Variants in TMTC2 observed in about 807,000 individuals in gnomAD.
The protein encoded by TMTC2 is transmembrane O-mannosyltransferase targeting cadherins 2, also known as protein O-mannosyl-transferase TMTC2.
In TMTC2, 43 loss-of-function variants were observed where a neutral mutation model predicts 82.4. That is an observed-to-expected ratio of 0.52 (90% CI 0.41 to 0.67). TMTC2 has a LOEUF of 0.67. Ranked by LOEUF, TMTC2 falls within the 30% of genes least tolerant of loss-of-function variation. The pLI, the probability that TMTC2 is intolerant of heterozygous loss-of-function variation, is 0.00. For missense variants in TMTC2, 919 were observed against 1,012.4 expected, an observed-to-expected ratio of 0.91 and a Z score of 1.25; for synonymous variants, 408 against 381.9, an observed-to-expected ratio of 1.07 and a Z score of -0.80.
At chr12:83,026,181 A>G (rs1881166852) in intron 8 of TMTC2, among the ~76,000 whole-genome samples, 1 of 152,126 alleles carries the variant, frequency 6.6e-6, no homozygotes, top group South Asian at 2.1e-4. Flanking sequence ...GCCTCATAAG[A>G]ACAAAAGACA....
chr12:83,119,904 A>G (rs1420863241), intron 11 of TMTC2, among the ~76,000 whole-genome samples: 4 of 152,038 alleles, frequency 2.6e-5, no homozygotes, highest in Non-Finnish European at 4.4e-5. Context: ...CCCTCTTTGT[A>G]TTATTTAACT....
rs1565821353 is a variant in TMTC2 at position 82,944,323 on chromosome 12, A to G, written c.1598+13778A>G. Among the ~76,000 whole-genome samples the G allele has an allele frequency of 2.0e-5, 3 of 152,222 alleles. No individual in the cohort carries two copies. In the East Asian group the frequency reaches 5.8e-4, roughly 29 times the overall value. ...ACCCTGGCTGGGCATGGTGGCTCAC[A>G]CCTGTAATCCCAGCACTTTGGGAGG... is the stretch of plus-strand genomic sequence containing the variant. On this transcript the variant is annotated intron_variant, in intron 4 of 11. Coordinates refer to ENST00000321196, the MANE Select transcript of TMTC2 (RefSeq NM_152588.3).
At chr12:82,808,597 A>G (rs183951163) in intron 1 of TMTC2, among the ~76,000 whole-genome samples, 1 of 152,086 alleles carries the variant, frequency 6.6e-6, no homozygotes, top group Non-Finnish European at 1.5e-5. Flanking sequence ...TTATTCAGAC[A>G]TATATTGGTC....
intron 1 of TMTC2, among the ~76,000 whole-genome samples, chr12:82,845,106 G>A (rs1019825686): frequency 1.3e-5 from 2 of 149,222 alleles, no homozygotes; most frequent in Admixed American, 6.7e-5. Flanking sequence ...GCGGGCGCCT[G>A]TAATCCTAGC....
At chr12:82,945,710 T>G (rs1007620506) in intron 4 of TMTC2, among the ~76,000 whole-genome samples, 9 of 152,240 alleles carry the variant, frequency 5.9e-5, no homozygotes, top group Non-Finnish European at 1.2e-4. Flanking sequence ...TTTATTTGTG[T>G]AGTTCCAATC....
intron 4 of TMTC2, among the ~76,000 whole-genome samples, chr12:82,931,301 G>A (rs1203438355): frequency 2.6e-5 from 4 of 152,054 alleles, no homozygotes; most frequent in African/African-American, 7.2e-5. Context: ...AAAAGTGAGC[G>A]AGTAAGGTTA....
intron 2 of TMTC2, among the ~76,000 whole-genome samples, chr12:82,882,738 T>C (rs1872894567): frequency 6.6e-6 from 1 of 152,090 alleles, no homozygotes; most frequent in South Asian, 2.1e-4. Flanking sequence ...ATGGATGCTT[T>C]CCTATGTGAA....
chr12:82,975,256 C>T (rs1042326003), intron 7 of TMTC2, among the ~76,000 whole-genome samples: 1 of 152,038 alleles, frequency 6.6e-6, no homozygotes, highest in Admixed American at 6.6e-5. Flanking sequence ...ATGTATTTTG[C>T]TGTGTACTCA....
intron 1 of TMTC2, among the ~76,000 whole-genome samples, chr12:82,807,385 T>C (rs1879294674): frequency 6.6e-6 from 1 of 152,140 alleles, no homozygotes; most frequent in Non-Finnish European, 1.5e-5. Flanking sequence ...GAAGGGTAAC[T>C]AGTTCCCTTT....
At chr12:83,064,437 A>G (rs1259766306) in intron 11 of TMTC2, among the ~76,000 whole-genome samples, 2 of 151,984 alleles carry the variant, frequency 1.3e-5, no homozygotes, top group African/African-American at 2.4e-5. Flanking sequence ...TCTGGCAACA[A>G]TACTTTTTAA....
At chr12:82,800,167 A>G (rs1878924397) in intron 1 of TMTC2, among the ~76,000 whole-genome samples, 1 of 152,102 alleles carries the variant, frequency 6.6e-6, no homozygotes, top group Non-Finnish European at 1.5e-5. Flanking sequence ...TCTCTCTCAC[A>G]GAGGATTGCT....
chr12:83,106,859 G>T (rs1472510346), intron 11 of TMTC2, among the ~76,000 whole-genome samples: 1 of 152,144 alleles, frequency 6.6e-6, no homozygotes, highest in East Asian at 1.9e-4. Context: ...TATGGCCACT[G>T]GCAGCCTTTT....
chr12:83,003,251 T>A (rs1880007907), intron 8 of TMTC2, among the ~76,000 whole-genome samples: 1 of 152,168 alleles, frequency 6.6e-6, no homozygotes, highest in Admixed American at 6.5e-5. Context: ...ATCTCTTTTT[T>A]TTCCTATCCC....
At chr12:82,725,240 A>G (rs189956311) in intron 1 of TMTC2, among the ~76,000 whole-genome samples, 19 of 152,198 alleles carry the variant, frequency 1.2e-4, no homozygotes, top group African/African-American at 4.6e-4. Context: ...TTTTCCTCCA[A>G]AAATACCTTG....
At chr12:82,729,983 C>T (rs901998528) in intron 1 of TMTC2, among the ~76,000 whole-genome samples, 18 of 152,122 alleles carry the variant, frequency 1.2e-4, no homozygotes, top group Non-Finnish European at 1.9e-4. Context: ...TGCAGCTTCA[C>T]TCCTGAGCCA....
intron 11 of TMTC2, among the ~76,000 whole-genome samples, chr12:83,093,519 G>GT (rs944538126): frequency 3.3e-4 from 51 of 152,262 alleles, no homozygotes; most frequent in African/African-American, 1.1e-3. Flanking sequence ...TATTTCACAC[G>GT]TTTTTCTGTG....
intron 1 of TMTC2, among the ~76,000 whole-genome samples, chr12:82,827,363 G>A (rs1267460013): frequency 6.6e-6 from 1 of 152,146 alleles, no homozygotes; most frequent in Non-Finnish European, 1.5e-5. Context: ...TGGACTTGAA[G>A]AAGTTAAGGA....
At position 83,047,152 on chromosome 12, in the gene TMTC2, A is replaced by G. The variant is rs570180133; in HGVS notation, c.2153-3752A>G. The stretch of plus-strand genomic sequence containing the variant: ...AAGATGGGAAGCAGTAGGTTCCACT[A>G]TGGGAAGCCCAATTAATAGTTTGAA... On this transcript the variant is annotated intron_variant, in intron 9 of 11. Transcript: ENST00000321196. Among the ~76,000 whole-genome samples, 5 of 152,278 alleles carry G rather than the reference A, an allele frequency of 3.3e-5. No individual in the cohort carries two copies. The South Asian group carries it at 6.2e-4, about 19-fold the overall frequency.
At chr12:82,831,850 C>G (rs1419199972) in intron 1 of TMTC2, among the ~76,000 whole-genome samples, 1 of 152,166 alleles carries the variant, frequency 6.6e-6, no homozygotes, top group Non-Finnish European at 1.5e-5. Context: ...TTTTCAAAGA[C>G]TACAGAAAAA....
Sources: allele counts gnomAD v4.1 joint callset (sites outside exome capture counted in the v4.1 genomes callset), GRCh38; gene constraint gnomAD v4.1.1; transcripts MANE v1.5; gene names NCBI Gene and HGNC (gene_info 2026-07-23, HGNC 2026-07-21).